The following F13A1 variants were observed in gnomAD, a reference collection of about 807,000 sequenced individuals.
F13A1 encodes coagulation factor XIII A chain, also known as FSF, A subunit.
A neutral mutation model predicts 80.1 loss-of-function variants in F13A1; 47 were observed. The ratio of observed to expected loss-of-function variants is 0.59; its 90% confidence interval spans 0.46 to 0.75. The LOEUF is 0.75. F13A1 is among the 30% of genes least tolerant of loss of function. The pLI, the probability that F13A1 is intolerant of heterozygous loss-of-function variation, is 0.00. For synonymous variants in F13A1, 349 were observed against 344.9 expected (o/e 1.01, Z -0.13); for missense variants, 817 against 930.4 (o/e 0.88, Z 1.59).
intron 4 of F13A1, among the ~76,000 whole-genome samples, chr6:6,253,188 C>T (rs1757658356): frequency 7.0e-6 from 1 of 142,692 alleles, no homozygotes; most frequent in Admixed American, 7.0e-5. Flanking sequence ...GAGAAAATAG[C>T]CAAAAACTAA....
intron 4 of F13A1, among the ~76,000 whole-genome samples, chr6:6,255,495 G>A (rs926990967): frequency 2.8e-4 from 42 of 152,084 alleles, no homozygotes; most frequent in African/African-American, 8.9e-4. Flanking sequence ...GGATGACTGC[G>A]TCCCCAGCCC....
chr6:6,266,232 G>GT (rs1267889897), intron 4 of F13A1, among the ~76,000 whole-genome samples: 2 of 151,848 alleles, frequency 1.3e-5, no homozygotes, highest in African/African-American at 2.4e-5. Flanking sequence ...ACATGAGCTT[G>GT]TTTTTTTTCT....
intron 9 of F13A1, among the ~76,000 whole-genome samples, chr6:6,196,400 A>G (rs1761291723): frequency 6.6e-6 from 1 of 152,240 alleles, no homozygotes; most frequent in Non-Finnish European, 1.5e-5. Flanking sequence ...AAAATGCTTT[A>G]AATTTTAACC....
At chr6:6,228,968 C>A (rs571794176) in intron 6 of F13A1, among the ~76,000 whole-genome samples, 1 of 152,226 alleles carries the variant, frequency 6.6e-6, no homozygotes, top group South Asian at 2.1e-4. Flanking sequence ...AGGGAAAGAG[C>A]AGACCCTAAG....
rs1407860130 is a variant in F13A1 at position 6,163,500 on chromosome 6, C to T, written c.1908+3958G>A. Reference sequence around the variant, plus strand: ...CCCTCCTCCCACGCCGCACCCTGCACCCTCCAATAGGACCCTGTGTGTGTT... The same window carrying T: ...CCCTCCTCCCACGCCGCACCCTGCATCCTCCAATAGGACCCTGTGTGTGTT... On this transcript the variant is annotated intron_variant, in intron 13 of 14. Coordinates refer to ENST00000264870, the MANE Select transcript of F13A1 (RefSeq NM_000129.4). Among the ~76,000 whole-genome samples, 4 of 152,180 alleles carry T rather than the reference C, an allele frequency of 2.6e-5. No individual in the cohort carries two copies. The South Asian group carries it at 8.3e-4, about 32-fold the overall frequency.
At chr6:6,319,017 G>A (rs570304321) in intron 1 of F13A1, among the ~76,000 whole-genome samples, 12 of 152,252 alleles carry the variant, frequency 7.9e-5, no homozygotes, top group Non-Finnish European at 1.6e-4. Flanking sequence ...CAGCATCTTC[G>A]CAAGAAATGT....
intron 11 of F13A1, among the ~76,000 whole-genome samples, chr6:6,177,113 G>T (rs1232475489): frequency 6.6e-6 from 1 of 152,142 alleles, no homozygotes. Flanking sequence ...AGGGCCACAG[G>T]CAACATTTTA....
At position 6,239,566 on chromosome 6, in the gene F13A1, TA is replaced by T. The variant is rs752991575; in HGVS notation, c.798+8745del. ...GGTATATATATGACCCAAGCTCTGA[TA>T]GGGGTGGGTAATTAGACTCATTTTT... On this transcript the variant is annotated intron_variant, in intron 6 of 14. Coordinates refer to ENST00000264870, the MANE Select transcript of F13A1 (RefSeq NM_000129.4). Among the ~76,000 whole-genome samples, 5 of 152,290 alleles carry T rather than the reference TA, an allele frequency of 3.3e-5. No individual in the cohort carries two copies. In the East Asian group the frequency reaches 5.8e-4, roughly 18 times the overall value.
At chr6:6,190,579 C>G (rs538985807) in intron 10 of F13A1, among the ~76,000 whole-genome samples, 20,439 of 148,344 alleles carry the variant, frequency 0.14, 1,857 homozygotes, top group South Asian at 0.27. Context: ...CAGTCTGCCC[C>G]TTCTCAGATC....
Position 6,145,511 on chromosome 6 carries a change from C to G in F13A1, c.*108G>C. 1 of 1,425,646 alleles carries G rather than the reference C, an allele frequency of 7.0e-7. No homozygotes were observed. The allele number at this position is 1,425,646 out of a possible 1,614,324, so 88.3% of individuals were successfully genotyped here. On this transcript the variant is annotated 3_prime_UTR_variant, in exon 15 of 15. Transcript: ENST00000264870. ...ACTCTGGAGCCCTCTGCAGTCCTGT[C>G]TGGGTCTTCACACCTAAGTCAAAGC...
At chr6:6,242,722 T>A (rs913222785) in intron 6 of F13A1, among the ~76,000 whole-genome samples, 3 of 152,134 alleles carry the variant, frequency 2.0e-5, no homozygotes, top group Non-Finnish European at 2.9e-5. Context: ...CTCTACTACA[T>A]TTTTCTTCAG....
Position 6,175,770 on chromosome 6 carries a change from C to T in F13A1, c.1460-903G>A, listed in dbSNP as rs1467315389. 5.3e-5 allele frequency among the ~76,000 whole-genome samples: 8 copies of T among 152,250 alleles called. No homozygotes were observed. The South Asian group carries it at 6.2e-4, about 12-fold the overall frequency. On this transcript the variant is annotated intron_variant, in intron 11 of 14. Coordinates refer to ENST00000264870, the MANE Select transcript of F13A1 (RefSeq NM_000129.4). The stretch of plus-strand genomic sequence containing the variant: ...GGTGCACCTAAGTTCTAATGCAGTT[C>T]GAGGTGTGTGTGCTGCTTTTAGGAA...
chr6:6,171,972 G>A (rs543765715), intron 12 of F13A1, among the ~76,000 whole-genome samples: 6 of 152,178 alleles, frequency 3.9e-5, no homozygotes, highest in South Asian at 2.1e-4. Flanking sequence ...GGTACTCCCC[G>A]TTTTCCTTAA....
chr6:6,271,022 G>C (rs931833325), intron 3 of F13A1, among the ~76,000 whole-genome samples: 3 of 152,008 alleles, frequency 2.0e-5, no homozygotes, highest in Non-Finnish European at 4.4e-5. Context: ...CAATCCTGCT[G>C]ATACGCTGAT....
At chr6:6,159,288 A>C (rs1760532887) in intron 13 of F13A1, among the ~76,000 whole-genome samples, 1 of 151,628 alleles carries the variant, frequency 6.6e-6, no homozygotes, top group Non-Finnish European at 1.5e-5. Context: ...ACAGCCACCC[A>C]CCCTTCCTTG....
At chr6:6,175,438 A>G (rs1760865985) in intron 11 of F13A1, among the ~76,000 whole-genome samples, 1 of 152,058 alleles carries the variant, frequency 6.6e-6, no homozygotes, top group Non-Finnish European at 1.5e-5. Flanking sequence ...CTCAATTGCC[A>G]TTGCCCCCAA....
intron 8 of F13A1, among the ~76,000 whole-genome samples, chr6:6,198,029 C>T (rs1351834701): frequency 6.6e-6 from 1 of 152,162 alleles, no homozygotes; most frequent in African/African-American, 2.4e-5. Context: ...TAATATAGTT[C>T]CTATTTAGAA....
At chr6:6,150,194 G>C (rs72815066) in intron 14 of F13A1, among the ~76,000 whole-genome samples, 2,532 of 152,246 alleles carry the variant, frequency 0.017, 49 homozygotes, top group Non-Finnish European at 0.022. Flanking sequence ...ATACAGCAGG[G>C]GGCTGTATGG....
chr6:6,168,137 T>C (rs1429149173), intron 12 of F13A1, among the ~76,000 whole-genome samples: 2 of 152,234 alleles, frequency 1.3e-5, no homozygotes, highest in Non-Finnish European at 2.9e-5. Flanking sequence ...CAATCTGATA[T>C]GATTTTTCTA....
Sources: allele counts gnomAD v4.1 joint callset (sites outside exome capture counted in the v4.1 genomes callset), GRCh38; gene constraint gnomAD v4.1.1; transcripts MANE v1.5; gene names NCBI Gene and HGNC (gene_info 2026-07-23, HGNC 2026-07-21).